CYP1A2: variants seen among roughly 807,000 people sequenced by gnomAD.
CYP1A2 encodes cytochrome P450 1A2.
In CYP1A2, 35 loss-of-function variants were observed where a neutral mutation model predicts 34.7. The observed-to-expected ratio is 1.01, with a 90% CI of 0.77 to 1.34. The LOEUF is 1.34. Among genes scored for constraint, CYP1A2 ranks in the 40% most tolerant of loss-of-function variants. CYP1A2 has a pLI of 0.00. For synonymous variants in CYP1A2, 288 were observed against 281.9 expected (o/e 1.02, Z -0.22); for missense variants, 675 against 675.8 (o/e 1.00, Z 0.01).
chr15:74,750,493 G>A lies in CYP1A2; in HGVS notation c.755G>A (p.Arg252Lys), dbSNP rs1452550218. ...TACCTGCCTAACCCTGCCCTGCAGA[G>A]GTTCAAGGCCTTCAACCAGAGGTTC... ...LRYLPNPALQRFKAFNQRFLW... is the reference protein window; with the variant it reads ...LRYLPNPALQKFKAFNQRFLW... The change falls in exon 2 of 7, where the codon AGG becomes AAG. Residue 252 changes from arginine (R) to lysine (K), a missense_variant. Arg to Lys is a conservative substitution (Grantham distance 26). Coordinates refer to ENST00000343932, the MANE Select transcript of CYP1A2 (RefSeq NM_000761.5). 1.2e-6 allele frequency: 2 copies of A among 1,614,118 alleles called. No homozygotes were observed. Among genetic ancestry groups the A allele is most frequent in the African/African-American group, 2.7e-5 (2 of 74,936 alleles).
In CYP1A2 at chr15:74,750,353, C is replaced by T. The variant is rs17861155; in HGVS notation, c.615C>T (p.Phe205=). Reference sequence around the variant, plus strand: ...CCAACGTCATTGGTGCCATGTGCTTCGGACAGCACTTCCCTGAGAGTAGCG... The same window carrying T: ...CCAACGTCATTGGTGCCATGTGCTTTGGACAGCACTTCCCTGAGAGTAGCG... ...SVANVIGAMC[F]GQHFPESSDE... The change falls in exon 2 of 7, where the codon TTC becomes TTT. Residue 205 remains phenylalanine, a synonymous_variant. Transcript: ENST00000343932. 1.1e-4 allele frequency: 171 copies of T among 1,614,080 alleles called. 1 individual carries two copies. Among genetic ancestry groups the T allele is most frequent in the African/African-American group, 7.2e-4 (54 of 74,984 alleles).
chr15:74,752,061 G>A (rs1257944166), intron 4 of CYP1A2, 63 bp from the exon 5 acceptor site: 2 of 1,604,626 alleles, frequency 1.2e-6, no homozygotes, highest in East Asian at 2.2e-5. Flanking sequence ...GGGTATAAGA[G>A]GGGATAATTC....
Sources: allele counts gnomAD v4.1 joint callset, GRCh38; gene constraint gnomAD v4.1.1; transcripts MANE v1.5; gene names NCBI Gene and HGNC (gene_info 2026-07-23, HGNC 2026-07-21).